The following CHRM3 variants were observed in gnomAD, a reference collection of about 807,000 sequenced individuals.
The protein encoded by CHRM3 is cholinergic receptor muscarinic 3, also known as muscarinic acetylcholine receptor M3.
CHRM3 carries 11 observed loss-of-function variants against 41.8 expected under a neutral mutation model. That is an observed-to-expected ratio of 0.26 (90% confidence interval 0.17 to 0.44). The LOEUF (loss-of-function observed/expected upper bound fraction) is 0.44, where lower values mean the gene tolerates loss of function less well. Ranked by LOEUF, CHRM3 falls within the 20% of genes least tolerant of loss-of-function variation. The probability of loss-of-function intolerance (pLI) is 1.00; values close to 1 mark genes in which losing one functional copy is unlikely to be tolerated. For missense variants in CHRM3, 571 were observed against 745.4 expected (o/e 0.77, Z 2.72); for synonymous variants, 297 against 301.4 (o/e 0.99, Z 0.15).
At position 239,573,573 on chromosome 1, in the gene CHRM3, CT is replaced by C. The variant is rs564416659; in HGVS notation, c.-313+27826del. On this transcript the variant is annotated intron_variant, in intron 3 of 6. Coordinates refer to ENST00000676153, the MANE Select transcript of CHRM3 (RefSeq NM_001375978.1). ...TAGCCTATATTGAAATCAAATGATC[CT>C]TAATATGCATAGTCTCATAGAACTA... Among the ~76,000 whole-genome samples the C allele has an allele frequency of 2.4e-3, 362 of 152,046 alleles. 1 individual carries two copies. Among genetic ancestry groups the C allele is most frequent in the African/African-American group, 8.3e-3 (342 of 41,454 alleles).
At chr1:239,675,858 C>T (rs572430103) in intron 4 of CHRM3, among the ~76,000 whole-genome samples, 1 of 151,942 alleles carries the variant, frequency 6.6e-6, no homozygotes, top group African/African-American at 2.4e-5. Flanking sequence ...TAAAAGAAAA[C>T]ATGGGAGGGA....
intron 2 of CHRM3, among the ~76,000 whole-genome samples, chr1:239,494,523 T>TA (rs1230321967): frequency 1.3e-5 from 2 of 152,214 alleles, no homozygotes; most frequent in South Asian, 2.1e-4. Context: ...ACTTTTTTTT[T>TA]ACACATGGCT....
intron 2 of CHRM3, among the ~76,000 whole-genome samples, chr1:239,540,863 A>T (rs1381076573): frequency 6.6e-6 from 1 of 152,088 alleles, no homozygotes; most frequent in Non-Finnish European, 1.5e-5. Flanking sequence ...TGTTTCCCTG[A>T]TGTTGTGTTA....
intron 6 of CHRM3, among the ~76,000 whole-genome samples, chr1:239,838,711 A>G (rs1369423722): frequency 1.3e-5 from 2 of 152,146 alleles, no homozygotes; most frequent in African/African-American, 4.8e-5. Flanking sequence ...ATTTCCCATG[A>G]TATGGCAGGG....
chr1:239,413,147 C>G (rs1271609415), intron 1 of CHRM3, among the ~76,000 whole-genome samples: 1 of 151,808 alleles, frequency 6.6e-6, no homozygotes, highest in African/African-American at 2.4e-5. Context: ...GAGAAGGATG[C>G]TCCCTTTAAG....
intron 4 of CHRM3, among the ~76,000 whole-genome samples, chr1:239,634,836 A>G (rs1428640607): frequency 6.6e-6 from 1 of 152,188 alleles, no homozygotes; most frequent in East Asian, 1.9e-4. Context: ...AAGAGACTGG[A>G]AATGCAGGGG....
At position 239,618,278 on chromosome 1, in the gene CHRM3, T is replaced by TTC. The variant is rs1558382341; in HGVS notation, c.-312-13945_-312-13944insCT. On this transcript the variant is annotated intron_variant, in intron 3 of 6. Transcript: ENST00000676153. ...AGTAGGAGTACTTTTTTTTTCTTTC[T>TTC]TTTTTTTTTTTTTTTTTAATGACAA... is the stretch of plus-strand genomic sequence containing the variant. 3.5e-5 allele frequency among the ~76,000 whole-genome samples: 4 copies of TTC among 115,242 alleles called. No individual in the cohort carries two copies. The East Asian group carries it at 7.0e-4, about 20-fold the overall frequency. The allele number at this position is 115,242 out of a possible 152,430, so 75.6% of individuals were successfully genotyped here.
intron 1 of CHRM3, among the ~76,000 whole-genome samples, chr1:239,426,188 A>G (rs1168415762): frequency 1.6e-5 from 2 of 125,246 alleles, no homozygotes; most frequent in African/African-American, 6.1e-5. Context: ...GTAAGTCAGG[A>G]AACAACAGGT....
chr1:239,739,131 T>C (rs183999910), intron 5 of CHRM3, among the ~76,000 whole-genome samples: 68 of 152,198 alleles, frequency 4.5e-4, no homozygotes, highest in Non-Finnish European at 6.3e-4. Context: ...TTGTAGCAAA[T>C]AGGTGCCCAG....
chr1:239,743,110 T>G (rs1256015255), intron 5 of CHRM3, among the ~76,000 whole-genome samples: 2 of 152,214 alleles, frequency 1.3e-5, no homozygotes, highest in Admixed American at 1.3e-4. Flanking sequence ...CTCTGATAAT[T>G]GTTTAGGCAA....
At chr1:239,652,381 T>G (rs1033524368) in intron 4 of CHRM3, among the ~76,000 whole-genome samples, 1 of 152,236 alleles carries the variant, frequency 6.6e-6, no homozygotes, top group Non-Finnish European at 1.5e-5. Flanking sequence ...TTGAGCAAGC[T>G]AATTTTCTAA....
intron 1 of CHRM3, among the ~76,000 whole-genome samples, chr1:239,459,667 G>A (rs1237744043): frequency 6.6e-6 from 1 of 152,094 alleles, no homozygotes; most frequent in Non-Finnish European, 1.5e-5. Context: ...GGAGTGACAG[G>A]ATGGGTAGTT....
intron 5 of CHRM3, among the ~76,000 whole-genome samples, chr1:239,805,570 C>A (rs1670569773): frequency 6.6e-6 from 1 of 152,008 alleles, no homozygotes. Flanking sequence ...TTTTTTAAAG[C>A]CTCTGCTCCA....
chr1:239,607,671 T>G (rs570821952), intron 3 of CHRM3, among the ~76,000 whole-genome samples: 1 of 152,160 alleles, frequency 6.6e-6, no homozygotes, highest in Non-Finnish European at 1.5e-5. Flanking sequence ...AAAAAAAGGC[T>G]TAGTAAAATC....
intron 6 of CHRM3, among the ~76,000 whole-genome samples, chr1:239,892,444 G>A (rs1035305470): frequency 5.3e-5 from 8 of 152,152 alleles, no homozygotes; most frequent in African/African-American, 1.9e-4. Context: ...ATCTGAACAT[G>A]ACCTTGGAGT....
At chr1:239,887,816 A>G (rs1678200183) in intron 6 of CHRM3, among the ~76,000 whole-genome samples, 1 of 152,134 alleles carries the variant, frequency 6.6e-6, no homozygotes, top group Admixed American at 6.5e-5. Flanking sequence ...TAAAGCTGAA[A>G]CTTCAAGGGA....
intron 3 of CHRM3, among the ~76,000 whole-genome samples, chr1:239,563,237 TTC>T (rs1441639581): frequency 6.6e-6 from 1 of 152,082 alleles, no homozygotes; most frequent in African/African-American, 2.4e-5. Flanking sequence ...GCACATTTTT[TTC>T]TCTTAGTTTA....
intron 3 of CHRM3, among the ~76,000 whole-genome samples, chr1:239,570,688 A>G (rs1661747956): frequency 6.6e-6 from 1 of 152,114 alleles, no homozygotes; most frequent in African/African-American, 2.4e-5. Flanking sequence ...TACAAATCAA[A>G]ACGATGAAAT....
At chr1:239,680,816 G>T (rs1033754416) in intron 5 of CHRM3, among the ~76,000 whole-genome samples, 3 of 151,776 alleles carry the variant, frequency 2.0e-5, no homozygotes, top group African/African-American at 4.8e-5. Flanking sequence ...CATTTTATTT[G>T]AACTGCGGAG....
Sources: gnomAD v4.1 joint callset for allele counts (sites outside exome capture counted in the v4.1 genomes callset) on GRCh38, gnomAD v4.1.1 for gene constraint, MANE v1.5 for transcripts, NCBI Gene and HGNC (gene_info 2026-07-23, HGNC 2026-07-21) for gene names.